Variants in SFMBT1 observed in about 807,000 individuals in gnomAD.
SFMBT1 encodes Scm like with four mbt domains 1.
SFMBT1 carries 32 observed loss-of-function variants against 108.7 expected under a neutral mutation model. That is an observed-to-expected ratio of 0.29 (90% CI 0.22 to 0.40). The LOEUF is 0.40. SFMBT1 is among the 10% of genes least tolerant of loss of function. The pLI is 1.00. For synonymous variants in SFMBT1, 348 were observed against 369.5 expected (o/e 0.94, Z 0.67); for missense variants, 816 against 1,059.6 (o/e 0.77, Z 3.19).
intron 2 of SFMBT1, among the ~76,000 whole-genome samples, chr3:52,965,542 T>C (rs1029462002): frequency 2.6e-5 from 4 of 151,962 alleles, no homozygotes; most frequent in East Asian, 3.8e-4. Flanking sequence ...TCAGAAACCA[T>C]GGAGGCCAGA....
intron 19 of SFMBT1, 119 bp downstream of exon 19, chr3:52,906,950 G>C: frequency 7.6e-7 from 1 of 1,311,604 alleles, no homozygotes; most frequent in South Asian, 1.5e-5. Context: ...AAGAGACCCT[G>C]GAAATTCTAC....
intron 13 of SFMBT1, 57 bp downstream of exon 13, chr3:52,918,425 AAT>A: frequency 7.5e-7 from 1 of 1,335,232 alleles, no homozygotes; most frequent in Non-Finnish European, 1.0e-6. Context: ...TACCCTCTGA[AAT>A]AGTTATTTTT....
intron 14 of SFMBT1, among the ~76,000 whole-genome samples, chr3:52,915,050 C>CT (rs1702310554): frequency 6.6e-6 from 1 of 152,186 alleles, no homozygotes; most frequent in Non-Finnish European, 1.5e-5. Flanking sequence ...AGGATCAACT[C>CT]TGAGTGGTTA....
chr3:52,986,359 T>C (rs892416180), intron 1 of SFMBT1, among the ~76,000 whole-genome samples: 15 of 152,178 alleles, frequency 9.9e-5, no homozygotes, highest in African/African-American at 3.4e-4. Context: ...CTTCCTTCCA[T>C]AATAAATTAA....
At chr3:52,987,086 C>T (rs1298586925) in intron 1 of SFMBT1, among the ~76,000 whole-genome samples, 1 of 152,158 alleles carries the variant, frequency 6.6e-6, no homozygotes, top group Non-Finnish European at 1.5e-5. Context: ...TGTCTTCCAC[C>T]TCCACATCCT....
intron 8 of SFMBT1, among the ~76,000 whole-genome samples, chr3:52,929,801 A>G (rs1376396040): frequency 6.6e-6 from 1 of 152,230 alleles, no homozygotes; most frequent in Non-Finnish European, 1.5e-5. Flanking sequence ...TCTCTCGCCA[A>G]TGCCTCAGTT....
chr3:53,009,823 T>C (rs1028953883), intron 1 of SFMBT1, among the ~76,000 whole-genome samples: 1 of 152,130 alleles, frequency 6.6e-6, no homozygotes, highest in African/African-American at 2.4e-5. Context: ...AAACAAAATA[T>C]TAGAAAAATT....
chr3:52,979,547 C>A (rs887392231), intron 1 of SFMBT1, among the ~76,000 whole-genome samples: 1 of 152,172 alleles, frequency 6.6e-6, no homozygotes, highest in Non-Finnish European at 1.5e-5. Flanking sequence ...TCCCTTCCAC[C>A]CACATTCCAC....
At chr3:52,963,508 G>A (rs1704033622) in intron 2 of SFMBT1, among the ~76,000 whole-genome samples, 1 of 152,104 alleles carries the variant, frequency 6.6e-6, no homozygotes, top group African/African-American at 2.4e-5. Flanking sequence ...GAGTGCTGTG[G>A]TGCAATAAAA....
chr3:53,037,478 A>C (rs988194779), intron 1 of SFMBT1, among the ~76,000 whole-genome samples: 2 of 152,240 alleles, frequency 1.3e-5, no homozygotes, highest in African/African-American at 4.8e-5. Context: ...TTTTAAGTGC[A>C]ACTATAACTT....
At chr3:52,980,640 A>G (rs1427969357) in intron 1 of SFMBT1, among the ~76,000 whole-genome samples, 1 of 151,446 alleles carries the variant, frequency 6.6e-6, no homozygotes, top group Non-Finnish European at 1.5e-5. Flanking sequence ...TAAATCCAGC[A>G]CAAGGACCAT....
chr3:52,953,995 G>A (rs1157347805), intron 3 of SFMBT1, among the ~76,000 whole-genome samples: 1 of 151,996 alleles, frequency 6.6e-6, no homozygotes, highest in African/African-American at 2.4e-5. Flanking sequence ...CGTGGTGGCA[G>A]GCGCCTGTAG....
At chr3:52,976,640 AC>A (rs1272632426) in intron 1 of SFMBT1, among the ~76,000 whole-genome samples, 1 of 152,226 alleles carries the variant, frequency 6.6e-6, no homozygotes, top group Admixed American at 6.5e-5. Context: ...AAAACTTTCA[AC>A]TGGCAAAAAG....
chr3:52,933,581 G>T (rs1702921739), intron 5 of SFMBT1, among the ~76,000 whole-genome samples: 2 of 152,066 alleles, frequency 1.3e-5, no homozygotes, highest in South Asian at 4.1e-4. Flanking sequence ...GCAGAGTCAT[G>T]GTCAAAAAAG....
chr3:52,907,829 C>T (rs1344037188), intron 17 of SFMBT1, 96 bp from the exon 18 acceptor site: 2 of 1,148,048 alleles, frequency 1.7e-6, no homozygotes, highest in Non-Finnish European at 2.4e-6. Flanking sequence ...AAAACAGGTA[C>T]ATTGTATTTG....
intron 2 of SFMBT1, among the ~76,000 whole-genome samples, chr3:52,960,761 C>T (rs1290329552): frequency 1.3e-5 from 2 of 152,092 alleles, no homozygotes; most frequent in African/African-American, 4.8e-5. Context: ...CAGAGGCAAC[C>T]CAAGTGTCCA....
chr3:52,993,186 T>C (rs1305850083), intron 1 of SFMBT1, among the ~76,000 whole-genome samples: 2 of 150,846 alleles, frequency 1.3e-5, no homozygotes, highest in Non-Finnish European at 3.0e-5. Context: ...CCTTAACATT[T>C]ATAAACTTCA....
At chr3:52,912,049 T>C (rs992253713) in intron 16 of SFMBT1, among the ~76,000 whole-genome samples, 27 of 152,158 alleles carry the variant, frequency 1.8e-4, no homozygotes, top group African/African-American at 6.5e-4. Flanking sequence ...TATAAATGTA[T>C]TGATCCATGA....
chr3:52,936,067 A>G (rs1307441161), intron 4 of SFMBT1, among the ~76,000 whole-genome samples: 2 of 152,206 alleles, frequency 1.3e-5, no homozygotes, highest in African/African-American at 2.4e-5. Context: ...CACAAGTGGA[A>G]TAAGTTATAC....
Sources: allele counts gnomAD v4.1 joint callset (sites outside exome capture counted in the v4.1 genomes callset), GRCh38; gene constraint gnomAD v4.1.1; transcripts MANE v1.5; gene names NCBI Gene and HGNC (gene_info 2026-07-23, HGNC 2026-07-21).